CEMIP: variants seen among roughly 807,000 people sequenced by gnomAD.
The protein encoded by CEMIP is cell migration-inducing and hyaluronan-binding protein.
In CEMIP, 105 loss-of-function variants were observed where a neutral mutation model predicts 156.9. The observed-to-expected ratio is 0.67, with a 90% CI of 0.57 to 0.79. CEMIP has a LOEUF of 0.79. Ranked by LOEUF, CEMIP falls within the 30% of genes least tolerant of loss-of-function variation. The pLI is 0.00. For synonymous variants in CEMIP, 676 were observed against 668.4 expected, an observed-to-expected ratio of 1.01 and a Z score of -0.17; for missense variants, 1,457 against 1,769.4, an observed-to-expected ratio of 0.82 and a Z score of 3.17.
At chr15:80,801,379 G>A (rs1048817802) in intron 1 of CEMIP, among the ~76,000 whole-genome samples, 1 of 152,188 alleles carries the variant, frequency 6.6e-6, no homozygotes, top group Non-Finnish European at 1.5e-5. Flanking sequence ...TCAATTCAGT[G>A]GATGAGGGTG....
intron 25 of CEMIP, among the ~76,000 whole-genome samples, chr15:80,940,744 T>C (rs556426603): frequency 2.6e-5 from 4 of 152,284 alleles, no homozygotes; most frequent in African/African-American, 9.6e-5. Context: ...CAGCTGGGCC[T>C]CATGGGCTCA....
At chr15:80,845,994 G>T (rs1897546312) in intron 1 of CEMIP, among the ~76,000 whole-genome samples, 1 of 152,162 alleles carries the variant, frequency 6.6e-6, no homozygotes, top group Non-Finnish European at 1.5e-5. Context: ...CATGCCCTCT[G>T]CTACATACAC....
At chr15:80,882,976 T>C (rs1898715771) in intron 6 of CEMIP, among the ~76,000 whole-genome samples, 2 of 152,100 alleles carry the variant, frequency 1.3e-5, no homozygotes, top group Middle Eastern at 3.2e-3. Context: ...CAGCAGGAGC[T>C]TCCTGGGGAG....
intron 1 of CEMIP, among the ~76,000 whole-genome samples, chr15:80,808,537 G>C (rs2759307): frequency 2.6e-5 from 4 of 151,904 alleles, no homozygotes; most frequent in African/African-American, 7.3e-5. Context: ...GGATACAGTG[G>C]CATCATCACA....
chr15:80,909,798 A>T (rs978588858), intron 14 of CEMIP: 2 of 360,192 alleles, frequency 5.6e-6, no homozygotes, highest in African/African-American at 2.1e-5. Flanking sequence ...TGTGTATCAG[A>T]GGCTTGTCTT....
rs1415171739 is a variant in CEMIP, at chr15:80,949,509, T to A, written c.*585T>A. The A allele has an allele frequency of 5.7e-6, 1 of 174,274 alleles. No individual in the cohort carries two copies. Among genetic ancestry groups the A allele is most frequent in the East Asian group, 1.4e-4 (1 of 6,980 alleles). 10.8% of individuals were successfully genotyped at this position (174,274 alleles called of 1,614,324 possible). On this transcript the variant is annotated 3_prime_UTR_variant, in exon 30 of 30. Transcript: ENST00000394685. ...TGTCCACCTTTCAGGAGACTTTGAGTGGCAGGTTTGGACTTGGACTAGATG... is the reference window on the plus strand; with the variant it reads ...TGTCCACCTTTCAGGAGACTTTGAGAGGCAGGTTTGGACTTGGACTAGATG...
chr15:80,834,851 AC>A (rs544027226), intron 1 of CEMIP, among the ~76,000 whole-genome samples: 52 of 152,238 alleles, frequency 3.4e-4, no homozygotes, highest in African/African-American at 1.0e-3. Flanking sequence ...TGGAAAAAAA[AC>A]CAAATATTTA....
intron 1 of CEMIP, among the ~76,000 whole-genome samples, chr15:80,846,372 C>G (rs559884401): frequency 6.6e-6 from 1 of 152,332 alleles, no homozygotes; most frequent in South Asian, 2.1e-4. Context: ...CCGAGACAGG[C>G]TTTTCCTCCC....
chr15:80,791,136 G>A (rs1896071268), intron 1 of CEMIP, among the ~76,000 whole-genome samples: 1 of 151,874 alleles, frequency 6.6e-6, no homozygotes, highest in South Asian at 2.1e-4. Flanking sequence ...ATTTAGAGAA[G>A]AACTAGAAGT....
At chr15:80,835,188 C>T (rs1392227077) in intron 1 of CEMIP, among the ~76,000 whole-genome samples, 2 of 152,172 alleles carry the variant, frequency 1.3e-5, no homozygotes, top group African/African-American at 4.8e-5. Context: ...CAGCCCGCCT[C>T]CTGCCCTCCT....
At chr15:80,931,334 G>C (rs1223114352) in intron 21 of CEMIP, among the ~76,000 whole-genome samples, 2 of 152,220 alleles carry the variant, frequency 1.3e-5, no homozygotes, top group East Asian at 3.9e-4. Context: ...AATGTGAAAG[G>C]CTTACTCCCA....
chr15:80,851,393 A>G (rs765315629), intron 1 of CEMIP, among the ~76,000 whole-genome samples: 1 of 152,190 alleles, frequency 6.6e-6, no homozygotes, highest in Non-Finnish European at 1.5e-5. Flanking sequence ...ACAAGCCTTT[A>G]CTGAATCCCT....
chr15:80,923,560 G>A (rs765951529), intron 17 of CEMIP, among the ~76,000 whole-genome samples: 4 of 152,296 alleles, frequency 2.6e-5, no homozygotes, highest in Admixed American at 1.3e-4. Flanking sequence ...GCTCATGGGT[G>A]CAGGTGGGGA....
chr15:80,928,821 A>G, intron 19 of CEMIP, 81 bp from the exon 20 acceptor site: 1 of 1,560,732 alleles, frequency 6.4e-7, no homozygotes, highest in Non-Finnish European at 8.8e-7. Context: ...CTCCAAGGGC[A>G]GGGAAGTGTC....
intron 1 of CEMIP, among the ~76,000 whole-genome samples, chr15:80,842,225 G>A (rs1401187454): frequency 6.6e-6 from 1 of 152,032 alleles, no homozygotes; most frequent in Non-Finnish European, 1.5e-5. Flanking sequence ...TGGATTAAAA[G>A]GTAATGAATT....
At chr15:80,824,648 A>T (rs1896989838) in intron 1 of CEMIP, among the ~76,000 whole-genome samples, 1 of 152,158 alleles carries the variant, frequency 6.6e-6, no homozygotes, top group Non-Finnish European at 1.5e-5. Flanking sequence ...TGTGCACATT[A>T]TTCTGACATC....
At chr15:80,911,527 CCACACA>C (rs10596688) in intron 14 of CEMIP, among the ~76,000 whole-genome samples, 12,144 of 148,974 alleles carry the variant, frequency 0.082, 1,513 homozygotes, top group African/African-American at 0.27. Context: ...GGAAAATACA[CCACACA>C]CACACACACA....
At chr15:80,837,306 C>T (rs769656985) in intron 1 of CEMIP, among the ~76,000 whole-genome samples, 1 of 151,834 alleles carries the variant, frequency 6.6e-6, no homozygotes, top group Non-Finnish European at 1.5e-5. Flanking sequence ...ATGGAATGAA[C>T]GAGAGAGATG....
chr15:80,800,901 C>A (rs1027239701), intron 1 of CEMIP, among the ~76,000 whole-genome samples: 3 of 152,220 alleles, frequency 2.0e-5, no homozygotes, highest in Non-Finnish European at 4.4e-5. Context: ...TACAGCTCAG[C>A]CTTGGGGCCC....
Sources: gnomAD v4.1 joint callset for allele counts (sites outside exome capture counted in the v4.1 genomes callset) on GRCh38, gnomAD v4.1.1 for gene constraint, MANE v1.5 for transcripts, NCBI Gene and HGNC (gene_info 2026-07-23, HGNC 2026-07-21) for gene names.